The following KATNAL2 variants were observed in gnomAD, a reference collection of about 807,000 sequenced individuals.
KATNAL2 encodes katanin catalytic subunit A1 like 2, also known as katanin p60 ATPase-containing subunit A-like 2.
Under a neutral mutation model 76.3 loss-of-function variants are expected in KATNAL2, and 52 were observed. The ratio of observed to expected loss-of-function variants is 0.68; its 90% CI spans 0.55 to 0.86. KATNAL2 has a LOEUF of 0.86. Among genes scored for constraint, KATNAL2 ranks in the 40% least tolerant of loss-of-function variants. The probability of loss-of-function intolerance (pLI) is 0.00; values close to 1 mark genes in which losing one functional copy is unlikely to be tolerated. For synonymous variants in KATNAL2, 243 were observed against 244.2 expected, an observed-to-expected ratio of 1.00 and a Z score of 0.05; for missense variants, 660 against 668.9, an observed-to-expected ratio of 0.99 and a Z score of 0.15.
intron 10 of KATNAL2, among the ~76,000 whole-genome samples, chr18:47,064,425 G>A (rs1393425369): frequency 1.3e-5 from 2 of 152,164 alleles, no homozygotes; most frequent in Non-Finnish European, 2.9e-5. Flanking sequence ...AGAGAGGCAG[G>A]GTTCCTGAGG....
chr18:47,089,609 A>G (rs1310872795), intron 15 of KATNAL2, among the ~76,000 whole-genome samples: 1 of 152,186 alleles, frequency 6.6e-6, no homozygotes, highest in Non-Finnish European at 1.5e-5. Context: ...TGGAGGCCAC[A>G]TCTGTCAGCT....
At chr18:46,950,564 T>C (rs1828359964) in intron 3 of KATNAL2, among the ~76,000 whole-genome samples, 2 of 152,214 alleles carry the variant, frequency 1.3e-5, no homozygotes, top group African/African-American at 4.8e-5. Flanking sequence ...ATTATAATAG[T>C]TCAACAAAAT....
At chr18:46,955,511 C>T (rs1337619779) in intron 3 of KATNAL2, among the ~76,000 whole-genome samples, 3 of 151,452 alleles carry the variant, frequency 2.0e-5, no homozygotes, top group Non-Finnish European at 4.4e-5. Context: ...GGCGTTCTAC[C>T]GCGCCTGACG....
intron 1 of KATNAL2, among the ~76,000 whole-genome samples, chr18:46,934,869 C>G (rs943138050): frequency 6.6e-6 from 1 of 152,120 alleles, no homozygotes; most frequent in Non-Finnish European, 1.5e-5. Flanking sequence ...CTACATATGT[C>G]TAGCCAGTTT....
At chr18:47,078,046 T>C (rs1300859233) in intron 15 of KATNAL2, among the ~76,000 whole-genome samples, 1 of 152,200 alleles carries the variant, frequency 6.6e-6, no homozygotes, top group Non-Finnish European at 1.5e-5. Context: ...ATTTTAAAAA[T>C]AAGTATAAGC....
chr18:47,042,783 G>GA (rs1436633110), intron 3 of KATNAL2, among the ~76,000 whole-genome samples: 1 of 151,930 alleles, frequency 6.6e-6, no homozygotes. Flanking sequence ...ATAAACCAGA[G>GA]AAAAAATAGT....
chr18:47,097,237 A>G (rs6507721), intron 15 of KATNAL2, among the ~76,000 whole-genome samples: 10,216 of 152,150 alleles, frequency 0.067, 700 homozygotes, highest in East Asian at 0.17. Context: ...TGCTAAAACC[A>G]TTAGTTGAAA....
At chr18:47,065,043 G>A (rs751465911) in intron 10 of KATNAL2, among the ~76,000 whole-genome samples, 8 of 152,174 alleles carry the variant, frequency 5.3e-5, no homozygotes, top group Non-Finnish European at 1.2e-4. Flanking sequence ...GAATGTGAGT[G>A]GCTGGTGGGC....
intron 3 of KATNAL2, among the ~76,000 whole-genome samples, chr18:47,025,120 C>T (rs1265652886): frequency 2.6e-4 from 27 of 105,664 alleles, no homozygotes; most frequent in African/African-American, 9.6e-4. Flanking sequence ...CCGCCCCCAA[C>T]GGTGGCCATG....
intron 3 of KATNAL2, among the ~76,000 whole-genome samples, chr18:47,044,513 C>A (rs1296293618): frequency 6.6e-6 from 1 of 152,030 alleles, no homozygotes; most frequent in Non-Finnish European, 1.5e-5. Flanking sequence ...AATCCCAGCA[C>A]TTTGGGAGGC....
chr18:47,048,852 T>TTTTTTTTA (rs2061247792), intron 4 of KATNAL2, among the ~76,000 whole-genome samples: 1 of 146,762 alleles, frequency 6.8e-6, no homozygotes. Context: ...TTTTTTTTTT[T>TTTTTTTTA]GAGACGGAGT....
intron 3 of KATNAL2, among the ~76,000 whole-genome samples, chr18:46,957,703 C>T (rs2059806607): frequency 6.6e-6 from 1 of 151,952 alleles, no homozygotes; most frequent in Non-Finnish European, 1.5e-5. Context: ...TCTGGGATTA[C>T]AGGCATGTGC....
intron 3 of KATNAL2, chr18:47,033,037 A>G: frequency 6.2e-7 from 1 of 1,614,148 alleles, no homozygotes. Context: ...GTAGTCTCGA[A>G]TTGCCTTGGC....
intron 8 of KATNAL2, among the ~76,000 whole-genome samples, chr18:47,059,989 T>C (rs1225127345): frequency 9.3e-6 from 1 of 107,570 alleles, no homozygotes; most frequent in Non-Finnish European, 1.8e-5. Flanking sequence ...TCCTGCATCG[T>C]TCTCATCATT....
At chr18:47,099,134 T>C (rs932093141) in intron 15 of KATNAL2, 109 bp from the exon 16 acceptor site, 6 of 1,101,768 alleles carry the variant, frequency 5.4e-6, no homozygotes, top group African/African-American at 1.6e-5. Context: ...AGAGTGACAG[T>C]TAAAATGCAG....
chr18:47,058,409 A>G lies in KATNAL2; in HGVS notation c.450+57A>G, dbSNP rs577462863. ...GCACACTTGGCTGAAAAATAGCCCTATGAAAAAGGTCACATTTATTTATTT... is the reference window on the plus strand; with the variant it reads ...GCACACTTGGCTGAAAAATAGCCCTGTGAAAAAGGTCACATTTATTTATTT... On this transcript the variant is annotated intron_variant, in intron 7 of 17. Transcript: ENST00000683218. 5.2e-4 allele frequency: 495 copies of G among 943,806 alleles called. 5 individuals are homozygous for G. In the African/African-American group the frequency reaches 7.6e-3, roughly 14 times the overall value. 58.5% of individuals were successfully genotyped at this position (943,806 alleles called of 1,614,324 possible). A position where few individuals can be genotyped will look rare whatever the true frequency, so the allele number is the denominator to read the frequency against.
At chr18:47,096,527 A>G (rs942849287) in intron 15 of KATNAL2, among the ~76,000 whole-genome samples, 2 of 152,000 alleles carry the variant, frequency 1.3e-5, no homozygotes, top group African/African-American at 4.8e-5. Flanking sequence ...TTGTGCAGAG[A>G]CGGGGTCTCA....
intron 1 of KATNAL2, among the ~76,000 whole-genome samples, chr18:46,939,807 T>C (rs2059195593): frequency 6.6e-6 from 1 of 152,228 alleles, no homozygotes; most frequent in Admixed American, 6.5e-5. Context: ...CCCCTGAAGC[T>C]ACACTGGTCT....
At chr18:47,085,970 A>G (rs1306080003) in intron 15 of KATNAL2, among the ~76,000 whole-genome samples, 1 of 151,804 alleles carries the variant, frequency 6.6e-6, no homozygotes, top group African/African-American at 2.4e-5. Context: ...GTGTGTGCCT[A>G]TAGTCCCAGC....
Sources: allele counts gnomAD v4.1 joint callset (sites outside exome capture counted in the v4.1 genomes callset), GRCh38; gene constraint gnomAD v4.1.1; transcripts MANE v1.5; gene names NCBI Gene and HGNC (gene_info 2026-07-23, HGNC 2026-07-21).